The following ESRRG variants were observed in gnomAD, a reference collection of about 807,000 sequenced individuals.
ESRRG encodes estrogen related receptor gamma.
Under a neutral mutation model 44.0 loss-of-function variants are expected in ESRRG, and 13 were observed. The observed-to-expected ratio is 0.30, with a 90% CI of 0.19 to 0.47. The LOEUF is 0.47. ESRRG is among the 20% of genes least tolerant of loss of function. ESRRG has a pLI of 1.00. For synonymous variants in ESRRG, 215 were observed against 214.6 expected, an observed-to-expected ratio of 1.00 and a Z score of -0.02; for missense variants, 395 against 580.6, an observed-to-expected ratio of 0.68 and a Z score of 3.29.
chr1:216,980,510 TC>T (rs1271877036), intron 1 of ESRRG, among the ~76,000 whole-genome samples: 1 of 152,170 alleles, frequency 6.6e-6, no homozygotes, highest in African/African-American at 2.4e-5. Flanking sequence ...GCCATATCTA[TC>T]CCCATCTACT....
intron 2 of ESRRG, among the ~76,000 whole-genome samples, chr1:216,768,446 A>G (rs1050008815): frequency 2.1e-5 from 3 of 143,660 alleles, no homozygotes; most frequent in Non-Finnish European, 4.6e-5. Context: ...AGATCTATCT[A>G]TCATTATCTA....
At chr1:216,898,416 G>A (rs1022553749) in intron 2 of ESRRG, among the ~76,000 whole-genome samples, 5 of 152,070 alleles carry the variant, frequency 3.3e-5, no homozygotes, top group African/African-American at 4.8e-5. Context: ...TCAGGAGCTC[G>A]AGACCAGCCT....
At position 216,580,329 on chromosome 1, in the gene ESRRG, A is replaced by T. The variant is rs115282665; in HGVS notation, c.590-12231T>A. On this transcript the variant is annotated intron_variant, in intron 3 of 6. Transcript: ENST00000408911. The stretch of plus-strand genomic sequence containing the variant: ...CTTGTTTGGCGTGTTTTCTTAATGC[A>T]CCAGTGTACAGTAAATTAAGAAAAG... 9.2e-3 allele frequency among the ~76,000 whole-genome samples: 1,395 copies of T among 152,288 alleles called. 20 individuals are homozygous for T. The highest frequency in any genetic ancestry group is 0.032 in the African/African-American group (1,344 of 41,560).
At chr1:216,739,075 G>A (rs759824199) in intron 2 of ESRRG, among the ~76,000 whole-genome samples, 12 of 152,244 alleles carry the variant, frequency 7.9e-5, no homozygotes, top group Non-Finnish European at 1.3e-4. Flanking sequence ...GCTCCCAGTA[G>A]AATAGAGACC....
intron 5 of ESRRG, among the ~76,000 whole-genome samples, chr1:216,525,721 A>G (rs774498889): frequency 1.4e-4 from 21 of 152,292 alleles, no homozygotes; most frequent in Non-Finnish European, 2.8e-4. Context: ...GATTAGATGG[A>G]TACTGAATAG....
At chr1:216,827,930 T>C (rs1416881847) in intron 2 of ESRRG, among the ~76,000 whole-genome samples, 1 of 152,174 alleles carries the variant, frequency 6.6e-6, no homozygotes, top group Non-Finnish European at 1.5e-5. Flanking sequence ...GAGCAGAATT[T>C]CATAGGCTGG....
At chr1:216,792,275 C>T (rs978169543) in intron 2 of ESRRG, among the ~76,000 whole-genome samples, 1 of 152,134 alleles carries the variant, frequency 6.6e-6, no homozygotes, top group Non-Finnish European at 1.5e-5. Flanking sequence ...TTTCTCCAGA[C>T]CTAGTCCTGT....
chr1:216,639,441 G>C (rs1306535523), intron 3 of ESRRG, among the ~76,000 whole-genome samples: 1 of 152,160 alleles, frequency 6.6e-6, no homozygotes, highest in African/African-American at 2.4e-5. Flanking sequence ...TTACAGCTGA[G>C]AACTGAGAGG....
intron 1 of ESRRG, among the ~76,000 whole-genome samples, chr1:217,101,144 T>C (rs2092506043): frequency 1.3e-5 from 2 of 152,346 alleles, no homozygotes; most frequent in Non-Finnish European, 2.9e-5. Flanking sequence ...GCCAACCTCA[T>C]GACTTCAACT....
chr1:217,054,003 C>T (rs1277921110), intron 1 of ESRRG, among the ~76,000 whole-genome samples: 1 of 150,408 alleles, frequency 6.6e-6, no homozygotes, highest in Non-Finnish European at 1.5e-5. Context: ...TGGCTGCTTA[C>T]TGCTGACATG....
At chr1:216,682,736 G>A (rs2077237182) in intron 1 of ESRRG, among the ~76,000 whole-genome samples, 1 of 151,752 alleles carries the variant, frequency 6.6e-6, no homozygotes, top group African/African-American at 2.4e-5. Flanking sequence ...GTGTGTGTGT[G>A]TGTGTTTTAT....
At chr1:216,663,909 G>C (rs928341305) in intron 2 of ESRRG, among the ~76,000 whole-genome samples, 3 of 152,080 alleles carry the variant, frequency 2.0e-5, no homozygotes, top group Non-Finnish European at 2.9e-5. Flanking sequence ...AAAATCCAGA[G>C]AACTGACACA....
chr1:216,913,760 G>T lies in ESRRG; in HGVS notation c.-14+25822C>A, dbSNP rs113403823. Among the ~76,000 whole-genome samples, 570 of 152,280 alleles carry T rather than the reference G, an allele frequency of 3.7e-3. 4 individuals carry two copies. Among genetic ancestry groups the T allele is most frequent in the African/African-American group, 0.013 (557 of 41,562 alleles). ...GTGCGTGTGATAAGCACTTTACAATGTATAAAACTCTATATGCTGTAAGTC... is the reference window on the plus strand; with the variant it reads ...GTGCGTGTGATAAGCACTTTACAATTTATAAAACTCTATATGCTGTAAGTC... On this transcript the variant is annotated intron_variant, in intron 2 of 7. Coordinates refer to the ESRRG transcript ENST00000359162.
chr1:216,552,082 A>G (rs2056492464), intron 5 of ESRRG, among the ~76,000 whole-genome samples: 1 of 152,152 alleles, frequency 6.6e-6, no homozygotes. Context: ...AACAAATAAC[A>G]TAGGCCTATT....
In ESRRG at chr1:216,938,559, A is replaced by T. The variant is rs1407710557; in HGVS notation, c.-14+1023T>A. Among the ~76,000 whole-genome samples the T allele has an allele frequency of 4.6e-5, 7 of 152,206 alleles. 1 individual carries two copies. The highest frequency in any genetic ancestry group is 1.0e-4 in the Non-Finnish European group (7 of 68,044). On this transcript the variant is annotated intron_variant, in intron 2 of 7. Coordinates refer to the ESRRG transcript ENST00000359162. ...CAAATTAAGCAACCTGGGTGCCATG[A>T]AAAAGGTAATTCAACTTCTAAAGTG...
chr1:216,720,729 A>C (rs1314005168), intron 1 of ESRRG, among the ~76,000 whole-genome samples: 1 of 152,228 alleles, frequency 6.6e-6, no homozygotes, highest in Non-Finnish European at 1.5e-5. Context: ...CCTGAAACAG[A>C]AAGAGTGAAA....
At chr1:217,077,670 C>T (rs1285050218) in intron 1 of ESRRG, among the ~76,000 whole-genome samples, 2 of 152,188 alleles carry the variant, frequency 1.3e-5, no homozygotes, top group Non-Finnish European at 2.9e-5. Flanking sequence ...TCAATTAAGA[C>T]AAAACCTCAG....
intron 2 of ESRRG, among the ~76,000 whole-genome samples, chr1:216,658,707 C>T (rs193184248): frequency 6.4e-4 from 97 of 151,334 alleles, no homozygotes; most frequent in Non-Finnish European, 5.9e-5. Flanking sequence ...GTTGTGTGCG[C>T]CTGTAATCCC....
rs1052607935 is a variant in ESRRG, at chr1:216,625,312, G to A, written c.589+25661C>T. 8.0e-5 allele frequency among the ~76,000 whole-genome samples: 12 copies of A among 150,566 alleles called. No homozygotes were observed. The East Asian group carries it at 2.4e-3, about 30-fold the overall frequency. On this transcript the variant is annotated intron_variant, in intron 3 of 6. Coordinates refer to ENST00000408911, the MANE Select transcript of ESRRG (RefSeq NM_001438.4). Reference sequence around the variant, plus strand: ...ATCTATTCTAATGTTTCTCTAAACTGGGTCCACCCTGCTTATCAATCCTTA... The same window carrying A: ...ATCTATTCTAATGTTTCTCTAAACTAGGTCCACCCTGCTTATCAATCCTTA...
Sources: gnomAD v4.1 joint callset for allele counts (sites outside exome capture counted in the v4.1 genomes callset) on GRCh38, gnomAD v4.1.1 for gene constraint, MANE v1.5 for transcripts, NCBI Gene and HGNC (gene_info 2026-07-23, HGNC 2026-07-21) for gene names.